The following DCC variants were observed in gnomAD, a reference collection of about 807,000 sequenced individuals.
DCC encodes the protein DCC netrin 1 receptor, also known as netrin receptor DCC.
In DCC, 58 loss-of-function variants were observed where a neutral mutation model predicts 172.5. That is an observed-to-expected ratio of 0.34 (90% confidence interval 0.27 to 0.42). The LOEUF is 0.42. Ranked by LOEUF, DCC falls within the 10% of genes least tolerant of loss-of-function variation. The probability of loss-of-function intolerance (pLI) is 1.00; values close to 1 mark genes in which losing one functional copy is unlikely to be tolerated. For missense variants in DCC, 1,740 were observed against 1,791.0 expected (o/e 0.97, Z 0.51); for synonymous variants, 709 against 644.5 (o/e 1.10, Z -1.52).
At chr18:53,443,322 T>C (rs1220379391) in intron 22 of DCC, among the ~76,000 whole-genome samples, 1 of 152,218 alleles carries the variant, frequency 6.6e-6, no homozygotes, top group Non-Finnish European at 1.5e-5. Flanking sequence ...ATGCTAAATC[T>C]ACTCTGCCTG....
At chr18:53,320,313 C>T (rs1353929958) in intron 13 of DCC, among the ~76,000 whole-genome samples, 1 of 152,058 alleles carries the variant, frequency 6.6e-6, no homozygotes, top group African/African-American at 2.4e-5. Context: ...ACTTTGTGAT[C>T]CGCCCGCCTC....
intron 1 of DCC, among the ~76,000 whole-genome samples, chr18:52,450,833 G>T (rs1159275652): frequency 6.6e-6 from 1 of 152,082 alleles, no homozygotes; most frequent in Non-Finnish European, 1.5e-5. Context: ...ACTAAGAATA[G>T]ACTATGCTCT....
intron 1 of DCC, among the ~76,000 whole-genome samples, chr18:52,449,867 TCTTC>T (rs1347862613): frequency 2.0e-5 from 3 of 152,214 alleles, no homozygotes; most frequent in Non-Finnish European, 4.4e-5. Context: ...ATCCCTTTGC[TCTTC>T]CTTCATCTTC....
intron 1 of DCC, among the ~76,000 whole-genome samples, chr18:52,532,478 G>C (rs2032179005): frequency 1.3e-5 from 2 of 152,068 alleles, no homozygotes. Flanking sequence ...ACACTAATTT[G>C]GATTCAAATG....
intron 7 of DCC, among the ~76,000 whole-genome samples, chr18:53,097,915 C>T (rs1401116162): frequency 6.6e-6 from 1 of 152,016 alleles, no homozygotes; most frequent in Admixed American, 6.6e-5. Flanking sequence ...CCTTAATTAC[C>T]TCCTTAAAAG....
At chr18:52,570,334 G>A (rs1048810901) in intron 1 of DCC, among the ~76,000 whole-genome samples, 2 of 152,040 alleles carry the variant, frequency 1.3e-5, no homozygotes, top group Admixed American at 6.5e-5. Context: ...TGCTTCTCCC[G>A]TTTATATAGA....
intron 2 of DCC, among the ~76,000 whole-genome samples, chr18:52,845,684 C>G (rs891569914): frequency 1.3e-5 from 2 of 152,148 alleles, no homozygotes; most frequent in Admixed American, 6.5e-5. Flanking sequence ...AACATTAACT[C>G]TTTAATAGAA....
At chr18:53,526,267 G>A (rs1284369440) in intron 27 of DCC, among the ~76,000 whole-genome samples, 1 of 152,072 alleles carries the variant, frequency 6.6e-6, no homozygotes, top group Non-Finnish European at 1.5e-5. Context: ...GTTTAGCACA[G>A]GGCTTTCTGG....
At chr18:53,496,590 A>C (rs1355371186) in intron 26 of DCC, among the ~76,000 whole-genome samples, 1 of 152,194 alleles carries the variant, frequency 6.6e-6, no homozygotes, top group East Asian at 1.9e-4. Context: ...CATGGGAACA[A>C]AACTGGACAG....
intron 8 of DCC, among the ~76,000 whole-genome samples, chr18:53,158,979 AC>A: frequency 1.6e-5 from 2 of 126,626 alleles, no homozygotes; most frequent in Non-Finnish European, 3.3e-5. Flanking sequence ...GGCAACAGAG[AC>A]GCCATCTCAA....
At chr18:52,781,254 G>C (rs532831661) in intron 2 of DCC, among the ~76,000 whole-genome samples, 1 of 152,212 alleles carries the variant, frequency 6.6e-6, no homozygotes, top group Admixed American at 6.5e-5. Context: ...TGCAGGCAAA[G>C]GAAGTCATAG....
intron 1 of DCC, among the ~76,000 whole-genome samples, chr18:52,581,187 T>TTTATCTATCTATCTATCTATCTATC (rs1555699057): frequency 2.0e-5 from 3 of 146,452 alleles, no homozygotes; most frequent in African/African-American, 7.6e-5. Context: ...TCTATATATC[T>TTTATCTATCTATCTATCTATCTATC]TATCTATCTA....
intron 12 of DCC, among the ~76,000 whole-genome samples, chr18:53,293,402 A>T (rs529755976): frequency 6.6e-6 from 1 of 152,356 alleles, no homozygotes; most frequent in East Asian, 1.9e-4. Flanking sequence ...ATGTTTCTGT[A>T]CATCTGTGCC....
At chr18:53,181,872 G>A (rs73960215) in intron 9 of DCC, among the ~76,000 whole-genome samples, 6,063 of 152,198 alleles carry the variant, frequency 0.04, 379 homozygotes, top group African/African-American at 0.13. Context: ...AGATTTGCTC[G>A]TGGGCCCATG....
chr18:53,511,619 A>T (rs969683), intron 27 of DCC, among the ~76,000 whole-genome samples: 3 of 151,952 alleles, frequency 2.0e-5, no homozygotes, highest in African/African-American at 7.3e-5. Flanking sequence ...TGCGCGAGCC[A>T]AAGCAGGGCG....
intron 2 of DCC, among the ~76,000 whole-genome samples, chr18:52,785,306 G>C (rs1003425393): frequency 6.6e-6 from 1 of 152,026 alleles, no homozygotes; most frequent in Non-Finnish European, 1.5e-5. Context: ...CAGTTTGCTT[G>C]TCTGTCTGCA....
intron 2 of DCC, among the ~76,000 whole-genome samples, chr18:52,847,996 C>T (rs1476574432): frequency 6.6e-6 from 1 of 151,824 alleles, no homozygotes; most frequent in African/African-American, 2.4e-5. Context: ...TGATAAATTA[C>T]CTGGACATAG....
rs1340186432 is a variant in DCC at position 53,532,386 on chromosome 18, T to C, written c.*1733T>C. On this transcript the variant is annotated 3_prime_UTR_variant, in exon 29 of 29. Coordinates refer to ENST00000442544, the MANE Select transcript of DCC (RefSeq NM_005215.4). The stretch of plus-strand genomic sequence containing the variant: ...AGAGAGGGCTGTTCAAATGGTTCAT[T>C]AGAAAGTCCGGTCCATTTGCGAATT... 1 of 152,234 alleles carries C rather than the reference T, an allele frequency of 6.6e-6. No individual in the cohort carries two copies. The highest frequency in any genetic ancestry group is 1.5e-5 in the Non-Finnish European group (1 of 68,042). The allele number at this position is 152,234 out of a possible 1,614,324, so 9.4% of individuals were successfully genotyped here. A position where few individuals can be genotyped will look rare whatever the true frequency, so the allele number is the denominator to read the frequency against.
intron 1 of DCC, among the ~76,000 whole-genome samples, chr18:52,607,074 AG>A: frequency 6.6e-6 from 1 of 152,104 alleles, no homozygotes; most frequent in Non-Finnish European, 1.5e-5. Flanking sequence ...CCAAAATCTC[AG>A]TAGCTTTACA....
Sources: gnomAD v4.1 joint callset for allele counts (sites outside exome capture counted in the v4.1 genomes callset) on GRCh38, gnomAD v4.1.1 for gene constraint, MANE v1.5 for transcripts, NCBI Gene and HGNC (gene_info 2026-07-23, HGNC 2026-07-21) for gene names.